The following ANKRD13A variants were observed in gnomAD, a reference collection of about 807,000 sequenced individuals.
ANKRD13A encodes ankyrin repeat domain-containing protein 13A.
A neutral mutation model predicts 81.3 loss-of-function variants in ANKRD13A; 48 were observed. The observed-to-expected ratio is 0.59, with a 90% CI of 0.47 to 0.75. ANKRD13A has a LOEUF of 0.75. Among genes scored for constraint, ANKRD13A ranks in the 30% least tolerant of loss-of-function variants. The probability of loss-of-function intolerance (pLI) is 0.00; values close to 1 mark genes in which losing one functional copy is unlikely to be tolerated. For synonymous variants in ANKRD13A, 230 were observed against 270.1 expected (o/e 0.85, Z 1.45); for missense variants, 612 against 734.0 (o/e 0.83, Z 1.92).
At chr12:110,002,226 A>G (rs1225000404) in intron 1 of ANKRD13A, among the ~76,000 whole-genome samples, 2 of 152,266 alleles carry the variant, frequency 1.3e-5, no homozygotes, top group African/African-American at 4.8e-5. Flanking sequence ...AGCTGCTGCT[A>G]TTATAATCAT....
At chr12:110,001,640 C>T (rs1020823771) in intron 1 of ANKRD13A, among the ~76,000 whole-genome samples, 4 of 151,924 alleles carry the variant, frequency 2.6e-5, no homozygotes, top group African/African-American at 7.3e-5. Flanking sequence ...ATGCTGGTTT[C>T]AACCCCTGGC....
In ANKRD13A at chr12:110,019,299, C is replaced by G. The variant is rs1488177066; in HGVS notation, c.705C>G (p.Ser235Arg). ...RRLTSPVINT[S>R]LDTKNIAFER... is the part of the protein sequence containing the mutation. ...TCACAAGCCCTGTCATTAACACCAG[C>G]CTCGATACTAAAAATATTGCTTTTG... Residue 235 changes from serine to arginine, a missense_variant, in exon 6 of 15, where the codon AGC (serine) becomes AGG (arginine). Physicochemically the swap from Ser to Arg is moderately radical, Grantham distance 110. Coordinates refer to ENST00000261739, the MANE Select transcript of ANKRD13A (RefSeq NM_033121.2). 6.2e-7 allele frequency: 1 copy of G among 1,608,626 alleles called. No individual in the cohort carries two copies. The highest frequency in any genetic ancestry group is 1.1e-5 in the South Asian group (1 of 90,152).
intron 1 of ANKRD13A, among the ~76,000 whole-genome samples, chr12:110,000,035 A>C (rs1335330697): frequency 1.3e-5 from 2 of 152,186 alleles, no homozygotes; most frequent in Non-Finnish European, 2.9e-5. Context: ...TCCACTGGAC[A>C]GAGAAGGAAA....
Position 110,028,895 on chromosome 12 carries a change from G to A in ANKRD13A, c.1076+253G>A, listed in dbSNP as rs767866352. Reference sequence around the variant, plus strand: ...TGGGACTACAGGCGCGTGCCACCACGCCCAGCTAATTTTTGTATTTTTAGT... The same window carrying A: ...TGGGACTACAGGCGCGTGCCACCACACCCAGCTAATTTTTGTATTTTTAGT... On this transcript the variant is annotated intron_variant, in intron 10 of 14. Coordinates refer to ENST00000261739, the MANE Select transcript of ANKRD13A (RefSeq NM_033121.2). 3.5e-4 allele frequency: 119 copies of A among 341,502 alleles called. No homozygotes were observed. The Middle Eastern group carries it at 7.3e-3, about 21-fold the overall frequency. 21.2% of individuals were successfully genotyped at this position (341,502 alleles called of 1,614,324 possible). A position where few individuals can be genotyped will look rare whatever the true frequency, so the allele number is the denominator to read the frequency against.
intron 3 of ANKRD13A, 60 bp from the exon 4 acceptor site, chr12:110,016,328 G>C (rs1890802499): frequency 1.5e-6 from 2 of 1,300,942 alleles, no homozygotes; most frequent in African/African-American, 1.5e-5. Flanking sequence ...GTTAACCCCT[G>C]CTTATGTTGT....
At chr12:110,016,258 A>C (rs1890798070) in intron 3 of ANKRD13A, 130 bp from the exon 4 acceptor site, 6 of 693,370 alleles carry the variant, frequency 8.7e-6, no homozygotes, top group Admixed American at 3.7e-5. Context: ...AGGGGCTTAC[A>C]TTTTATTTCT....
Position 110,036,335 on chromosome 12 carries a change from G to A in ANKRD13A, c.1577+7G>A. Reference sequence around the variant, plus strand: ...ATGACGCCCAGTATGAGAGGTGATTGACTGACGTGACTCTGGAATAAACCA... The same window carrying A: ...ATGACGCCCAGTATGAGAGGTGATTAACTGACGTGACTCTGGAATAAACCA... On this transcript the variant is annotated splice_region_variant and intron_variant, in intron 14 of 14. Coordinates refer to ENST00000261739, the MANE Select transcript of ANKRD13A (RefSeq NM_033121.2). This position sits in a 1 kb window ranked among gnomAD's most constrained non-coding sequence, Gnocchi z 4.6. 4 of 1,613,680 alleles carry A rather than the reference G, an allele frequency of 2.5e-6. No individual in the cohort carries two copies. The highest frequency in any genetic ancestry group is 1.3e-5 in the African/African-American group (1 of 75,042).
chr12:110,033,823 G>C lies in ANKRD13A; in HGVS notation c.1375G>C (p.Asp459His). ...TTCCCACATCACAAACTTTGAGGTT[G>C]ATCAATCTGTGTTTGAAATTCCCGA... ...SASHITNFEV[D>H]QSVFEIPESY... The change falls in exon 13 of 15, where the codon GAT becomes CAT. Residue 459 changes from aspartate to histidine, a missense_variant. Coordinates refer to ENST00000261739, the MANE Select transcript of ANKRD13A (RefSeq NM_033121.2). The C allele has an allele frequency of 1.2e-6, 2 of 1,607,850 alleles. No individual in the cohort carries two copies. The highest frequency in any genetic ancestry group is 1.7e-6 in the Non-Finnish European group (2 of 1,176,924).
chr12:110,029,510 T>C lies in ANKRD13A; in HGVS notation c.1109T>C (p.Phe370Ser), dbSNP rs1304816502. ...GCAATGTTGTGGATGTGTGAAGAGT[T>C]TCCCCTCTCTCTGGTGGAGCAGGTC... ...FKAMLWMCEE[F>S]PLSLVEQVIP... Residue 370 changes from phenylalanine to serine, a missense_variant, in exon 11 of 15, where the codon TTT (phenylalanine) becomes TCT (serine). Transcript: ENST00000261739. 6.2e-7 allele frequency: 1 copy of C among 1,613,844 alleles called. No homozygotes were observed. Among genetic ancestry groups the C allele is most frequent in the Admixed American group, 1.7e-5 (1 of 60,016 alleles).
At chr12:110,009,821 C>G (rs1178857658) in intron 1 of ANKRD13A, among the ~76,000 whole-genome samples, 2 of 152,144 alleles carry the variant, frequency 1.3e-5, no homozygotes, top group Non-Finnish European at 2.9e-5. Context: ...TGTACATCAT[C>G]TCTAACTGTT....
At chr12:110,027,924 G>C (rs968243305) in intron 9 of ANKRD13A, 158 bp downstream of exon 9, 10 of 651,320 alleles carry the variant, frequency 1.5e-5, no homozygotes, top group Non-Finnish European at 2.4e-5. Context: ...AAGAGAATTA[G>C]ATGAGTGACT....
Position 109,999,798 on chromosome 12 carries a change from C to A in ANKRD13A, c.96+14C>A. ...CTGCAGGGCCAGGTGAGGGGCGGGGCGGGGGTCCGTCTCCCGGTGGGGACT... is the reference window on the plus strand; with the variant it reads ...CTGCAGGGCCAGGTGAGGGGCGGGGAGGGGGTCCGTCTCCCGGTGGGGACT... On this transcript the variant is annotated intron_variant, in intron 1 of 14. Transcript: ENST00000261739. The surrounding 1 kb of genome is among the most constrained non-coding windows in gnomAD (Gnocchi z 4.3). 6.6e-7 allele frequency: 1 copy of A among 1,520,568 alleles called. No homozygotes were observed. The highest frequency in any genetic ancestry group is 2.1e-5 in the Admixed American group (1 of 47,690). 94.2% of individuals were successfully genotyped at this position (1,520,568 alleles called of 1,614,324 possible). A position where few individuals can be genotyped will look rare whatever the true frequency, so the allele number is the denominator to read the frequency against.
intron 7 of ANKRD13A, 124 bp from the exon 8 acceptor site, chr12:110,025,618 A>G (rs1264950374): frequency 2.3e-5 from 16 of 709,078 alleles, no homozygotes; most frequent in African/African-American, 7.2e-5. Context: ...ATAGTTAACC[A>G]TTTCTCATTT....
At chr12:110,019,702 T>C (rs1890980021) in intron 6 of ANKRD13A, among the ~76,000 whole-genome samples, 1 of 152,252 alleles carries the variant, frequency 6.6e-6, no homozygotes, top group Non-Finnish European at 1.5e-5. Flanking sequence ...GAGGTTAGAA[T>C]TGACCCAGTA....
At position 110,029,475 on chromosome 12, in the gene ANKRD13A, C is replaced by T. The variant is rs767197481; in HGVS notation, c.1077-3C>T. On this transcript the variant is annotated splice_region_variant and splice_polypyrimidine_tract_variant and intron_variant, in intron 10 of 14. Transcript: ENST00000261739. Reference sequence around the variant, plus strand: ...TCAGTCTTTTCTTGGTTGAATTCTGCAGGTTTAAAGCAATGTTGTGGATGT... The same window carrying T: ...TCAGTCTTTTCTTGGTTGAATTCTGTAGGTTTAAAGCAATGTTGTGGATGT... 3 of 1,606,478 alleles carry T rather than the reference C, an allele frequency of 1.9e-6. No individual in the cohort carries two copies. The highest frequency in any genetic ancestry group is 3.3e-5 in the Admixed American group (2 of 59,914).
chr12:110,013,054 A>T, intron 2 of ANKRD13A, 71 bp from the exon 3 acceptor site: 1 of 1,560,870 alleles, frequency 6.4e-7, no homozygotes, highest in Non-Finnish European at 8.8e-7. Context: ...TTTGATCTAG[A>T]TACTTTTTCA....
Position 110,013,134 on chromosome 12 carries a change from A to G in ANKRD13A, c.239A>G (p.Glu80Gly). 6.2e-7 allele frequency: 1 copy of G among 1,613,844 alleles called. No homozygotes were observed. Among genetic ancestry groups the G allele is most frequent in the Non-Finnish European group, 8.5e-7 (1 of 1,179,922 alleles). The change falls in exon 3 of 15, where the codon GAG (glutamate) becomes GGG (glycine). Residue 80 changes from glutamate (E) to glycine (G), a missense_variant. Transcript: ENST00000261739. ...CCCTTTTGTTTTCTAGTTTTACATG[A>G]GGCTGTGAGCACTGGCGATCCTGAG... is the stretch of plus-strand genomic sequence containing the variant. ...ENRQGWTVLH[E>G]AVSTGDPEMV...
chr12:110,037,312 G>T, intron 14 of ANKRD13A, 47 bp from the exon 15 acceptor site: 1 of 1,538,350 alleles, frequency 6.5e-7, no homozygotes, highest in Non-Finnish European at 8.9e-7. Flanking sequence ...CTGCCACCAT[G>T]ATGATGATAG....
intron 2 of ANKRD13A, among the ~76,000 whole-genome samples, chr12:110,012,838 C>A: frequency 6.6e-6 from 1 of 152,238 alleles, no homozygotes; most frequent in Non-Finnish European, 1.5e-5. Flanking sequence ...GTTGTGTGAT[C>A]GTATAGTTAA....
Sources: allele counts gnomAD v4.1 joint callset (sites outside exome capture counted in the v4.1 genomes callset), GRCh38; gene constraint gnomAD v4.1.1; non-coding constraint Gnocchi (gnomAD v3.1); transcripts MANE v1.5; gene names NCBI Gene and HGNC (gene_info 2026-07-23, HGNC 2026-07-21).